Variants in CRB2 observed in about 807,000 individuals in gnomAD.
CRB2 encodes crumbs cell polarity complex component 2.
In CRB2, 85 loss-of-function variants were observed where a neutral mutation model predicts 110.9. The observed-to-expected ratio is 0.77, with a 90% CI of 0.64 to 0.92. The LOEUF is 0.92. CRB2 is among the 40% of genes least tolerant of loss of function. The pLI is 0.00. For missense variants in CRB2, 1,843 were observed against 1,851.3 expected (o/e 1.00, Z 0.08); for synonymous variants, 907 against 831.0 (o/e 1.09, Z -1.57).
chr9:123,374,034 T>A, intron 10 of CRB2, 114 bp downstream of exon 10: 5 of 1,290,768 alleles, frequency 3.9e-6, no homozygotes, highest in South Asian at 1.3e-5. Context: ...CCTCATGTCC[T>A]TATCTGTGAC....
chr9:123,376,453 C>G (rs920970067), intron 12 of CRB2, among the ~76,000 whole-genome samples: 11 of 152,118 alleles, frequency 7.2e-5, no homozygotes, highest in Non-Finnish European at 1.6e-4. Context: ...GCAGGTGGGC[C>G]CCAGTGGATT....
rs1278429522 is a variant in CRB2, at chr9:123,376,927, C to A, written c.3723C>A (p.Leu1241=). The change falls in exon 13 of 13, where the codon CTC becomes CTA. Residue 1241 remains leucine, a synonymous_variant. Transcript: ENST00000373631. The part of the protein sequence containing the change: ...CACLLLLLLG[L]LSGILAARKR... ...GCCTCCTCCTCCTCCTCCTGGGCCT[C>A]CTTTCAGGGATCCTGGCAGCCCGAA... 2.5e-6 allele frequency: 4 copies of A among 1,608,244 alleles called. No homozygotes were observed. Among genetic ancestry groups the A allele is most frequent in the African/African-American group, 1.3e-5 (1 of 74,904 alleles).
At chr9:123,363,427 G>A (rs1398131009) in intron 2 of CRB2, among the ~76,000 whole-genome samples, 2 of 152,216 alleles carry the variant, frequency 1.3e-5, no homozygotes, top group African/African-American at 2.4e-5. Context: ...CTCGGTAAAT[G>A]TGATTTCAGT....
rs114090190 is a variant in CRB2, at chr9:123,371,254, G to A, written c.2112G>A (p.Arg704=). ...AGLTVFLSEG[R]IRAEVPGSPA... ...TAACAGTATTCCTGAGTGAGGGTCG[G>A]ATCCGGGCTGAGGTGCCGGGCAGTC... is the stretch of plus-strand genomic sequence containing the variant. The change falls in exon 8 of 13, where the codon CGG becomes CGA. Residue 704 remains arginine, a synonymous_variant. Coordinates refer to ENST00000373631, the MANE Select transcript of CRB2 (RefSeq NM_173689.7). 4.4e-4 allele frequency: 704 copies of A among 1,613,986 alleles called. 4 individuals are homozygous for A. In the African/African-American group the frequency reaches 8.6e-3, roughly 20 times the overall value.
intron 2 of CRB2, 28 bp downstream of exon 2, chr9:123,363,216 G>A (rs1468499268): frequency 2.5e-6 from 4 of 1,575,930 alleles, no homozygotes; most frequent in Non-Finnish European, 3.4e-6. Flanking sequence ...CCTGGGAGGA[G>A]GTCTGTAATG....
intron 2 of CRB2, among the ~76,000 whole-genome samples, chr9:123,365,676 AC>A (rs1438772558): frequency 2.6e-5 from 4 of 151,326 alleles, no homozygotes; most frequent in Non-Finnish European, 5.9e-5. Flanking sequence ...TGGCTGAATC[AC>A]CCCCCACCAT....
intron 1 of CRB2, among the ~76,000 whole-genome samples, chr9:123,361,536 A>G (rs2041868814): frequency 8.2e-6 from 1 of 122,526 alleles, no homozygotes; most frequent in African/African-American, 3.2e-5. Context: ...GCAGGGTCTG[A>G]GCTGTTCTGG....
chr9:123,378,807 T>TTTTG (rs2042150938), downstream of CRB2: 1 of 66,230 alleles, frequency 1.5e-5, no homozygotes, highest in Admixed American at 2.0e-4. Flanking sequence ...TGTTTTTTGT[T>TTTTG]TTTTTTTTTT....
rs114904012 is a variant in CRB2, at chr9:123,363,574, T to C, written c.418+386T>C. 2.9e-3 allele frequency among the ~76,000 whole-genome samples: 448 copies of C among 152,224 alleles called. 4 individuals carry two copies. The highest frequency in any genetic ancestry group is 0.01 in the African/African-American group (420 of 41,540). On this transcript the variant is annotated intron_variant, in intron 2 of 12. Coordinates refer to ENST00000373631, the MANE Select transcript of CRB2 (RefSeq NM_173689.7). ...ACTTCAGGCCTGTGCCAAGCTGTCATGTAGACACTGTCTACACGACAGTCA... is the reference window on the plus strand; with the variant it reads ...ACTTCAGGCCTGTGCCAAGCTGTCACGTAGACACTGTCTACACGACAGTCA...
rs768312522 is a variant in CRB2 at position 123,365,972 on chromosome 9, G to A, written c.474G>A (p.Gly158=). The A allele has an allele frequency of 3.1e-6, 5 of 1,597,696 alleles. No homozygotes were observed. Among genetic ancestry groups the A allele is most frequent in the Admixed American group, 1.7e-5 (1 of 59,920 alleles). The change falls in exon 3 of 13, where the codon GGG becomes GGA. Residue 158 remains glycine, a synonymous_variant. Transcript: ENST00000373631. ...GCGCCTCAGCGCCCTGCCTGCACGG[G>A]GGCTCGTGCCTGGACGGCGTGGGCT... ...DECASAPCLH[G]GSCLDGVGSF... is the part of the protein sequence containing the mutation.
intron 1 of CRB2, among the ~76,000 whole-genome samples, chr9:123,361,897 G>T (rs2041872789): frequency 6.6e-6 from 1 of 152,206 alleles, no homozygotes; most frequent in South Asian, 2.1e-4. Flanking sequence ...TGGTGACAAG[G>T]CTCTCAGGAA....
rs138303512 is a variant in CRB2 at position 123,376,869 on chromosome 9, T to C, written c.3665T>C (p.Leu1222Pro). The C allele has an allele frequency of 2.1e-4, 334 of 1,609,620 alleles. No individual in the cohort carries two copies. The highest frequency in any genetic ancestry group is 2.6e-4 in the Non-Finnish European group (308 of 1,179,324). The change falls in exon 13 of 13, where the codon CTG (leucine) becomes CCG (proline). Residue 1222 changes from leucine to proline, a missense_variant. Physicochemically the swap from Leu to Pro is moderately conservative, Grantham distance 98. Coordinates refer to ENST00000373631, the MANE Select transcript of CRB2 (RefSeq NM_173689.7). ...KGLPLPLPFP[L>P]LEVAVPAACA... ...CTGCCCCTGCCGCTGCCATTCCCACTGCTGGAGGTGGCCGTACCTGCAGCC... is the reference window on the plus strand; with the variant it reads ...CTGCCCCTGCCGCTGCCATTCCCACCGCTGGAGGTGGCCGTACCTGCAGCC...
At position 123,373,757 on chromosome 9, in the gene CRB2, G is replaced by T. The variant is rs775916278; in HGVS notation, c.3226G>T (p.Asp1076Tyr). The change falls in exon 10 of 13, where the codon GAC becomes TAC. Residue 1076 changes from aspartate (D) to tyrosine (Y), a missense_variant. Physicochemically the swap from Asp to Tyr is radical, Grantham distance 160. Coordinates refer to ENST00000373631, the MANE Select transcript of CRB2 (RefSeq NM_173689.7). ...CGACGGTGCCTGCCGTGACCTCTTC[G>T]ACGCCTTTGCCTGCGCCTGCGGCCC... ...LHDGACRDLFDAFACACGPGW... is the reference protein window; with the variant it reads ...LHDGACRDLFYAFACACGPGW... The T allele has an allele frequency of 1.3e-6, 2 of 1,590,046 alleles. No individual in the cohort carries two copies.
intron 9 of CRB2, 121 bp from the exon 10 acceptor site, chr9:123,373,013 G>C: frequency 1.3e-6 from 1 of 751,626 alleles, no homozygotes; most frequent in Non-Finnish European, 2.0e-6. Context: ...TTAGATGATA[G>C]GTGGGTGCGT....
chr9:123,374,549 C>T (rs779212936), intron 10 of CRB2, 30 bp from the exon 11 acceptor site: 2 of 1,542,998 alleles, frequency 1.3e-6, no homozygotes, highest in Middle Eastern at 1.7e-4. Flanking sequence ...AGGTGTCCTG[C>T]ACCCACTCCA....
chr9:123,373,850 C>A lies in CRB2; in HGVS notation c.3319C>A (p.Arg1107Ser), dbSNP rs773580044. 1.9e-6 allele frequency: 3 copies of A among 1,560,256 alleles called. No homozygotes were observed. Among genetic ancestry groups the A allele is most frequent in the Non-Finnish European group, 2.6e-6 (3 of 1,158,650 alleles). ...TCACTCCGCCCCCTGCGCCCGTGGC[C>A]GCTGTCACACGCACCCCGACGGCCG... ...PCHSAPCARG[R>S]CHTHPDGRFE... The change falls in exon 10 of 13, where the codon CGC becomes AGC. Residue 1107 changes from arginine (R) to serine (S), a missense_variant. Coordinates refer to ENST00000373631, the MANE Select transcript of CRB2 (RefSeq NM_173689.7).
At chr9:123,363,405 G>A (rs796977254) in intron 2 of CRB2, among the ~76,000 whole-genome samples, 3 of 152,196 alleles carry the variant, frequency 2.0e-5, no homozygotes, top group Non-Finnish European at 2.9e-5. Context: ...GGTGTGTGGC[G>A]CATCTCAGGC....
rs1369451128 is a variant in CRB2, at chr9:123,374,075, C to T, written c.3389+155C>T. The stretch of plus-strand genomic sequence containing the variant: ...GAGGACAGTTTAATTTGATAAATTT[C>T]CTGATAAAATACAGATCAAAACACA... On this transcript the variant is annotated intron_variant, in intron 10 of 12. Coordinates refer to ENST00000373631, the MANE Select transcript of CRB2 (RefSeq NM_173689.7). 4 of 1,043,780 alleles carry T rather than the reference C, an allele frequency of 3.8e-6. No homozygotes were observed. The Admixed American group carries it at 6.0e-5, about 16-fold the overall frequency. The allele number at this position is 1,043,780 out of a possible 1,614,324, so 64.7% of individuals were successfully genotyped here.
Position 123,366,168 on chromosome 9 carries a change from C to A in CRB2, c.614+56C>A, listed in dbSNP as rs962784356. ...CGCCGGGTGCCCGAGGGCGGGGAGGCCAGGCGCGGGGCAGAAGGGGCAGGC... is the reference window on the plus strand; with the variant it reads ...CGCCGGGTGCCCGAGGGCGGGGAGGACAGGCGCGGGGCAGAAGGGGCAGGC... On this transcript the variant is annotated intron_variant, in intron 3 of 12. Coordinates refer to ENST00000373631, the MANE Select transcript of CRB2 (RefSeq NM_173689.7). 20 of 1,378,452 alleles carry A rather than the reference C, an allele frequency of 1.5e-5. No individual in the cohort carries two copies. The African/African-American group carries it at 2.6e-4, about 18-fold the overall frequency. 85.4% of individuals were successfully genotyped at this position (1,378,452 alleles called of 1,614,324 possible).
Sources: allele counts gnomAD v4.1 joint callset (sites outside exome capture counted in the v4.1 genomes callset), GRCh38; gene constraint gnomAD v4.1.1; transcripts MANE v1.5; gene names NCBI Gene and HGNC (gene_info 2026-07-23, HGNC 2026-07-21).